Variants in NTM observed in about 807,000 individuals in gnomAD.
NTM encodes neurotrimin.
Under a neutral mutation model 42.1 loss-of-function variants are expected in NTM, and 13 were observed. That is an observed-to-expected ratio of 0.31 (90% CI 0.20 to 0.49). The LOEUF (loss-of-function observed/expected upper bound fraction) is 0.49, where lower values mean the gene tolerates loss of function less well. Ranked by LOEUF, NTM falls within the 20% of genes least tolerant of loss-of-function variation. The probability of loss-of-function intolerance (pLI) is 0.99; values close to 1 mark genes in which losing one functional copy is unlikely to be tolerated. For missense variants in NTM, 373 were observed against 452.8 expected (o/e 0.82, Z 1.60); for synonymous variants, 187 against 179.2 (o/e 1.04, Z -0.35).
chr11:131,613,878 ACAGAGGAAC>A (rs1216127247), intron 1 of NTM, among the ~76,000 whole-genome samples: 2 of 152,180 alleles, frequency 1.3e-5, no homozygotes, highest in African/African-American at 4.8e-5. Flanking sequence ...GGCTGAGGAA[ACAGAGGAAC>A]CCTGGTCTCT....
At chr11:131,829,374 G>T (rs2042529110) in intron 1 of NTM, among the ~76,000 whole-genome samples, 1 of 151,982 alleles carries the variant, frequency 6.6e-6, no homozygotes, top group South Asian at 2.1e-4. Flanking sequence ...AGTGTCTATT[G>T]TTCCCATCTT....
intron 1 of NTM, among the ~76,000 whole-genome samples, chr11:131,618,614 A>T (rs1410174229): frequency 6.6e-6 from 1 of 152,166 alleles, no homozygotes; most frequent in African/African-American, 2.4e-5. Flanking sequence ...TAACATCAGG[A>T]TGTGAGCCCA....
At chr11:132,040,768 C>T (rs773503644) in intron 2 of NTM, among the ~76,000 whole-genome samples, 5 of 152,184 alleles carry the variant, frequency 3.3e-5, no homozygotes, top group Non-Finnish European at 7.3e-5. Context: ...TAACTTCTGT[C>T]AATAGGTGAC....
chr11:131,460,796 C>T (rs777893729), intron 1 of NTM, among the ~76,000 whole-genome samples: 31 of 152,268 alleles, frequency 2.0e-4, no homozygotes, highest in Non-Finnish European at 3.7e-4. Flanking sequence ...TCAAATGATC[C>T]GCCCGCTTGG....
At chr11:132,110,198 T>C (rs2062977630) in intron 2 of NTM, among the ~76,000 whole-genome samples, 1 of 152,256 alleles carries the variant, frequency 6.6e-6, no homozygotes, top group Non-Finnish European at 1.5e-5. Context: ...TTTTGTGTGC[T>C]ATACCCCAGT....
At chr11:131,383,904 A>T (rs1264075202) in intron 1 of NTM, among the ~76,000 whole-genome samples, 3 of 152,174 alleles carry the variant, frequency 2.0e-5, no homozygotes, top group Non-Finnish European at 4.4e-5. Flanking sequence ...GTTAGGCATG[A>T]GGTCACCAGA....
chr11:131,513,498 G>A (rs775106487), intron 1 of NTM, among the ~76,000 whole-genome samples: 4 of 152,204 alleles, frequency 2.6e-5, no homozygotes, highest in African/African-American at 4.8e-5. Flanking sequence ...GTGACATGAG[G>A]GGAAGGTGCA....
chr11:131,998,554 T>A (rs182540042), intron 2 of NTM, among the ~76,000 whole-genome samples: 1,818 of 152,300 alleles, frequency 0.012, 28 homozygotes, highest in African/African-American at 0.034. Flanking sequence ...GACTTTTTTT[T>A]AAATTTCCAA....
At chr11:131,537,234 A>C (rs1419990409) in intron 1 of NTM, 1 of 151,954 alleles carries the variant, frequency 6.6e-6, no homozygotes, top group Non-Finnish European at 1.5e-5. Flanking sequence ...AACATGGGAA[A>C]TTGAAAAACA....
intron 3 of NTM, among the ~76,000 whole-genome samples, chr11:132,176,381 T>C (rs2076815142): frequency 1.3e-5 from 2 of 151,420 alleles, no homozygotes; most frequent in Admixed American, 1.3e-4. Flanking sequence ...AAAAAAAACC[T>C]GTTTGAGAAA....
intron 1 of NTM, among the ~76,000 whole-genome samples, chr11:131,752,248 C>G (rs2082653405): frequency 6.6e-6 from 1 of 152,164 alleles, no homozygotes; most frequent in Non-Finnish European, 1.5e-5. Context: ...AGACACTTCT[C>G]TAAAGAAGAC....
intron 2 of NTM, among the ~76,000 whole-genome samples, chr11:132,038,920 C>T (rs1025418887): frequency 1.3e-5 from 2 of 152,226 alleles, no homozygotes; most frequent in African/African-American, 4.8e-5. Context: ...TAGACCTCTG[C>T]TCTTCCATTT....
At chr11:131,412,160 C>T (rs1946491897) in intron 1 of NTM, among the ~76,000 whole-genome samples, 1 of 152,154 alleles carries the variant, frequency 6.6e-6, no homozygotes, top group Non-Finnish European at 1.5e-5. Flanking sequence ...CTGTGTTAGC[C>T]TGGAAACTCC....
chr11:131,957,880 A>G (rs2061722416), intron 2 of NTM, among the ~76,000 whole-genome samples: 1 of 150,612 alleles, frequency 6.6e-6, no homozygotes, highest in Admixed American at 6.6e-5. Context: ...GTGTGTGTGT[A>G]TTATATATAT....
intron 1 of NTM, among the ~76,000 whole-genome samples, chr11:131,807,382 A>G (rs2092552886): frequency 6.6e-6 from 1 of 152,226 alleles, no homozygotes; most frequent in African/African-American, 2.4e-5. Flanking sequence ...CCACTTCAAA[A>G]TCTAGAAAGC....
chr11:132,250,335 T>C (rs1293119876), intron 4 of NTM, among the ~76,000 whole-genome samples: 2 of 152,226 alleles, frequency 1.3e-5, no homozygotes, highest in African/African-American at 2.4e-5. Flanking sequence ...TTTTGCAAGT[T>C]CACGATGCTG....
At chr11:131,884,951 T>C (rs976710841) in intron 1 of NTM, among the ~76,000 whole-genome samples, 3 of 152,200 alleles carry the variant, frequency 2.0e-5, no homozygotes. Flanking sequence ...GTGGCTCTAT[T>C]AGCTGAGGCA....
chr11:131,641,934 C>T (rs555108686), intron 1 of NTM, among the ~76,000 whole-genome samples: 23 of 152,062 alleles, frequency 1.5e-4, no homozygotes, highest in African/African-American at 4.8e-4. Context: ...ACCATGTTGG[C>T]GAGGATGGTC....
chr11:131,440,603 G>A (rs1042701109), intron 1 of NTM, among the ~76,000 whole-genome samples: 3 of 151,870 alleles, frequency 2.0e-5, no homozygotes, highest in African/African-American at 7.3e-5. Context: ...CCCTGAAAGT[G>A]CATCTCTAAC....
Sources: allele counts gnomAD v4.1 joint callset (sites outside exome capture counted in the v4.1 genomes callset), GRCh38; gene constraint gnomAD v4.1.1; transcripts MANE v1.5; gene names NCBI Gene and HGNC (gene_info 2026-07-23, HGNC 2026-07-21).